RAN: variants seen among roughly 807,000 people sequenced by gnomAD.
RAN encodes RAN, member RAS oncogene family.
A neutral mutation model predicts 26.8 loss-of-function variants in RAN; 2 were observed. The ratio of observed to expected loss-of-function variants is 0.07; its 90% confidence interval spans 0.03 to 0.23. The LOEUF is 0.23. Ranked by LOEUF, RAN falls within the 10% of genes least tolerant of loss-of-function variation. RAN has a pLI of 1.00. For missense variants in RAN, 56 were observed against 264.8 expected (o/e 0.21, Z 5.47); for synonymous variants, 132 against 95.9 (o/e 1.38, Z -2.20).
At chr12:130,874,950 G>C (rs575954969) in intron 5 of RAN, among the ~76,000 whole-genome samples, 1 of 152,148 alleles carries the variant, frequency 6.6e-6, no homozygotes, top group African/African-American at 2.4e-5. Context: ...TCCCCTAGTA[G>C]CTGGATTACA....
At chr12:130,874,286 C>T (rs940718739) in intron 4 of RAN, 25 of 398,246 alleles carry the variant, frequency 6.3e-5, no homozygotes, top group Non-Finnish European at 1.0e-4. Context: ...GCATTAATTA[C>T]TTCAGATACT....
chr12:130,874,806 T>C, intron 5 of RAN, 73 bp downstream of exon 5: 1 of 1,265,366 alleles, frequency 7.9e-7, no homozygotes, highest in South Asian at 1.4e-5. Context: ...AATTAACCAG[T>C]GTCTATTATA....
In RAN at chr12:130,877,469, T is replaced by C. The variant is rs916987077; in HGVS notation, c.*1543T>C. On this transcript the variant is annotated 3_prime_UTR_variant, in exon 7 of 7. Coordinates refer to ENST00000543796, the MANE Select transcript of RAN (RefSeq NM_006325.5). ...TTTTCCCCATAATTGGGATGAAACC[T>C]TTCATTCAGGTATTTTGAATTGAAG... 3.3e-5 allele frequency: 5 copies of C among 152,212 alleles called. No homozygotes were observed. The highest frequency in any genetic ancestry group is 1.2e-4 in the African/African-American group (5 of 41,438). The allele number at this position is 152,212 out of a possible 1,614,324, so 9.4% of individuals were successfully genotyped here. A position where few individuals can be genotyped will look rare whatever the true frequency, so the allele number is the denominator to read the frequency against.
chr12:130,872,661 A>G, intron 2 of RAN, 32 bp downstream of exon 2: 1 of 1,524,046 alleles, frequency 6.6e-7, no homozygotes, highest in East Asian at 2.4e-5. Context: ...GAGGCGGCCG[A>G]GCCCGACCGC....
chr12:130,875,357 G>T (rs983871038), intron 5 of RAN, among the ~76,000 whole-genome samples: 1 of 151,984 alleles, frequency 6.6e-6, no homozygotes, highest in African/African-American at 2.4e-5. Context: ...GAGTAGCTGG[G>T]CTCACAGGCA....
intron 5 of RAN, among the ~76,000 whole-genome samples, 178 bp downstream of exon 5, chr12:130,874,911 C>G (rs1195976729): frequency 6.6e-6 from 1 of 152,130 alleles, no homozygotes; most frequent in Non-Finnish European, 1.5e-5. Flanking sequence ...CGACCTCCGC[C>G]TCCCGGGTTC....
In RAN at chr12:130,877,112, A is replaced by T. The variant is rs1301992091; in HGVS notation, c.*1186A>T. On this transcript the variant is annotated 3_prime_UTR_variant, in exon 7 of 7. Transcript: ENST00000543796. Reference sequence around the variant, plus strand: ...GCATATTTTCCACATTTAAAAATGAATTAGGTCTATTAGGATAATTAGGAG... The same window carrying T: ...GCATATTTTCCACATTTAAAAATGATTTAGGTCTATTAGGATAATTAGGAG... 1 of 151,846 alleles carries T rather than the reference A, an allele frequency of 6.6e-6. No individual in the cohort carries two copies. Among genetic ancestry groups the T allele is most frequent in the Non-Finnish European group, 1.5e-5 (1 of 68,016 alleles). 9.4% of individuals were successfully genotyped at this position (151,846 alleles called of 1,614,324 possible).
chr12:130,875,608 A>G lies in RAN; in HGVS notation c.436-4A>G. 6.4e-7 allele frequency: 1 copy of G among 1,570,254 alleles called. No homozygotes were observed. The highest frequency in any genetic ancestry group is 8.6e-7 in the Non-Finnish European group (1 of 1,162,050). On this transcript the variant is annotated splice_polypyrimidine_tract_variant and splice_region_variant and intron_variant, in intron 5 of 6. Transcript: ENST00000543796. Reference sequence around the variant, plus strand: ...AAAAGTAATTTTACCTTTCTTTTAAACAGTACTACGACATTTCTGCCAAAA... The same window carrying G: ...AAAAGTAATTTTACCTTTCTTTTAAGCAGTACTACGACATTTCTGCCAAAA...
chr12:130,873,218 A>C (rs1374544219), intron 4 of RAN, 90 bp downstream of exon 4: 1 of 1,525,870 alleles, frequency 6.6e-7, no homozygotes, highest in Non-Finnish European at 8.9e-7. Flanking sequence ...GTTCCAACAA[A>C]TAGTGTCATT....
intron 4 of RAN, chr12:130,873,459 T>G: frequency 3.5e-6 from 1 of 284,546 alleles, no homozygotes; most frequent in Non-Finnish European, 6.8e-6. Context: ...GGTGTGGTGA[T>G]CAATGAATGT....
intron 4 of RAN, 104 bp downstream of exon 4, chr12:130,873,232 G>T (rs1953172290): frequency 1.3e-6 from 2 of 1,487,264 alleles, no homozygotes; most frequent in Middle Eastern, 1.8e-4. Flanking sequence ...TGTCATTTTT[G>T]GGTTAAAAAA....
In RAN at chr12:130,875,970, A is replaced by G. The variant is rs533877653; in HGVS notation, c.*44A>G. On this transcript the variant is annotated 3_prime_UTR_variant, in exon 7 of 7. Transcript: ENST00000543796. ...GCGTCAGAAGTCTAGTTTTATAGGC[A>G]GCTGTCCTGTGATGTCAGCGGTGCA... The G allele has an allele frequency of 3.1e-6, 5 of 1,593,920 alleles. No individual in the cohort carries two copies. In the Admixed American group the frequency reaches 8.3e-5, roughly 27 times the overall value.
Position 130,877,391 on chromosome 12 carries a change from A to C in RAN, c.*1465A>C, listed in dbSNP as rs1051882130. 2 of 152,270 alleles carry C rather than the reference A, an allele frequency of 1.3e-5. No individual in the cohort carries two copies. The highest frequency in any genetic ancestry group is 2.9e-5 in the Non-Finnish European group (2 of 68,046). The allele number at this position is 152,270 out of a possible 1,614,324, so 9.4% of individuals were successfully genotyped here. Reference sequence around the variant, plus strand: ...TTTCTTAAGATCTGAATTGCTGTGTATGTTACGCTGTATTCAGAACCAGTT... The same window carrying C: ...TTTCTTAAGATCTGAATTGCTGTGTCTGTTACGCTGTATTCAGAACCAGTT... On this transcript the variant is annotated 3_prime_UTR_variant, in exon 7 of 7. Transcript: ENST00000543796.
intron 3 of RAN, 36 bp downstream of exon 3, chr12:130,872,956 G>T (rs1565954516): frequency 1.9e-6 from 3 of 1,614,180 alleles, no homozygotes; most frequent in East Asian, 2.2e-5. Context: ...GGAAATATGT[G>T]AGAAATGGGT....
intron 5 of RAN, 94 bp from the exon 6 acceptor site, chr12:130,875,518 A>G: frequency 2.4e-6 from 3 of 1,233,398 alleles, no homozygotes; most frequent in South Asian, 1.6e-5. Flanking sequence ...TGCCTTGCCA[A>G]GAATCTTAAC....
At chr12:130,872,354 C>T (rs1214519697) in intron 1 of RAN, 6 of 158,778 alleles carry the variant, frequency 3.8e-5, no homozygotes, top group Non-Finnish European at 5.5e-5. Context: ...ATCCCCGTCC[C>T]GGTCCCAGTC....
chr12:130,873,509 C>G (rs1432773201), intron 4 of RAN: 4 of 217,786 alleles, frequency 1.8e-5, no homozygotes, highest in Non-Finnish European at 3.8e-5. Context: ...AGATACTAGA[C>G]CAGAGGAGAT....
intron 3 of RAN, 33 bp downstream of exon 3, chr12:130,872,953 T>C (rs377192182): frequency 6.6e-5 from 107 of 1,614,198 alleles, no homozygotes; most frequent in Middle Eastern, 3.3e-4. Context: ...TGTGGAAATA[T>C]GTGAGAAATG....
rs147409821 is a variant in RAN, at chr12:130,875,013, C to T, written c.435+280C>T. Among the ~76,000 whole-genome samples the T allele has an allele frequency of 1.2e-4, 19 of 152,060 alleles. No individual in the cohort carries two copies. The East Asian group carries it at 1.7e-3, about 14-fold the overall frequency. ...TTTGTACTTTTTTTTCTAGTAGAGA[C>T]GGGGTTTCCACCATGTTGGTCAGGC... On this transcript the variant is annotated intron_variant, in intron 5 of 6. Coordinates refer to ENST00000543796, the MANE Select transcript of RAN (RefSeq NM_006325.5).
Sources: gnomAD v4.1 joint callset for allele counts (sites outside exome capture counted in the v4.1 genomes callset) on GRCh38, gnomAD v4.1.1 for gene constraint, MANE v1.5 for transcripts, NCBI Gene and HGNC (gene_info 2026-07-23, HGNC 2026-07-21) for gene names.